ROBO2: variants seen among roughly 807,000 people sequenced by gnomAD.
The protein encoded by ROBO2 is roundabout homolog 2.
A neutral mutation model predicts 160.8 loss-of-function variants in ROBO2; 53 were observed. That is an observed-to-expected ratio of 0.33 (90% CI 0.26 to 0.41). ROBO2 has a LOEUF of 0.41. Ranked by LOEUF, ROBO2 falls within the 10% of genes least tolerant of loss-of-function variation. The pLI, the probability that ROBO2 is intolerant of heterozygous loss-of-function variation, is 1.00. For missense variants in ROBO2, 1,577 were observed against 1,722.4 expected (o/e 0.92, Z 1.49); for synonymous variants, 664 against 611.7 (o/e 1.09, Z -1.26).
chr3:76,049,068 G>T (rs2067554167), intron 2 of ROBO2, among the ~76,000 whole-genome samples: 1 of 152,120 alleles, frequency 6.6e-6, no homozygotes, highest in African/African-American at 2.4e-5. Context: ...CAGGATAATG[G>T]TCATCTCTTT....
At chr3:77,561,995 C>T (rs771111652) in intron 9 of ROBO2, among the ~76,000 whole-genome samples, 1 of 151,664 alleles carries the variant, frequency 6.6e-6, no homozygotes, top group Non-Finnish European at 1.5e-5. Context: ...CCCAGCTACT[C>T]GGGAGTCTGA....
At chr3:76,254,077 G>C (rs1278575693) in intron 2 of ROBO2, among the ~76,000 whole-genome samples, 1 of 151,978 alleles carries the variant, frequency 6.6e-6, no homozygotes, top group Non-Finnish European at 1.5e-5. Flanking sequence ...GTATATTCAA[G>C]AGATTCATCT....
At position 76,733,730 on chromosome 3, in the gene ROBO2, AT is replaced by A. The variant is rs555770164; in HGVS notation, c.110-364276del. Among the ~76,000 whole-genome samples the A allele has an allele frequency of 1.4e-4, 21 of 152,140 alleles. No individual in the cohort carries two copies. In the East Asian group the frequency reaches 3.9e-3, roughly 28 times the overall value. ...TGAAAAAATAATGTTTCATGTGGGA[AT>A]TTTTTTTGTTTTATACTCATTTATG... is the stretch of plus-strand genomic sequence containing the variant. On this transcript the variant is annotated intron_variant, in intron 2 of 26. Coordinates refer to the ROBO2 transcript ENST00000487694.
intron 2 of ROBO2, among the ~76,000 whole-genome samples, chr3:76,373,709 C>T (rs1419196266): frequency 1.3e-5 from 2 of 151,950 alleles, no homozygotes; most frequent in African/African-American, 4.8e-5. Context: ...AAGATTGCAT[C>T]AGCTGGTTTA....
intron 2 of ROBO2, among the ~76,000 whole-genome samples, chr3:76,127,377 AT>A (rs1451102119): frequency 1.1e-4 from 16 of 152,018 alleles, no homozygotes; most frequent in Admixed American, 9.8e-4. Context: ...ATAAGTCTAA[AT>A]TTTTTTGTTA....
Position 77,434,089 on chromosome 3 carries a change from T to TG in ROBO2, c.389-43323dup, listed in dbSNP as rs573890705. 7.9e-5 allele frequency among the ~76,000 whole-genome samples: 12 copies of TG among 152,242 alleles called. No homozygotes were observed. The East Asian group carries it at 2.3e-3, about 29-fold the overall frequency. On this transcript the variant is annotated intron_variant, in intron 2 of 25. Coordinates refer to ENST00000461745, the Ensembl canonical transcript of ROBO2. ...TTTTCCCTGACCTCCTTTTACTTTT[T>TG]GGAAAAAGTCCAATAGCATTAATGC...
intron 2 of ROBO2, among the ~76,000 whole-genome samples, chr3:77,383,648 A>G (rs2073790636): frequency 6.6e-6 from 1 of 152,138 alleles, no homozygotes; most frequent in East Asian, 1.9e-4. Flanking sequence ...CCCTAAAGGT[A>G]GATATATTGA....
At chr3:76,032,747 T>C (rs1199487980) in intron 2 of ROBO2, among the ~76,000 whole-genome samples, 1 of 152,224 alleles carries the variant, frequency 6.6e-6, no homozygotes, top group East Asian at 1.9e-4. Context: ...TCTGTTCTTT[T>C]ACATTTGCTG....
chr3:76,031,874 C>CTT (rs2066933579), intron 2 of ROBO2, among the ~76,000 whole-genome samples: 2 of 151,908 alleles, frequency 1.3e-5, no homozygotes, highest in African/African-American at 4.8e-5. Flanking sequence ...ATGATACTGG[C>CTT]CTCATAAAAT....
At chr3:76,450,790 T>C (rs1435689721) in intron 2 of ROBO2, among the ~76,000 whole-genome samples, 1 of 152,202 alleles carries the variant, frequency 6.6e-6, no homozygotes, top group Non-Finnish European at 1.5e-5. Context: ...ATTTGAAATA[T>C]ATTTTTTATT....
At chr3:77,178,489 A>G (rs542219680) in intron 2 of ROBO2, among the ~76,000 whole-genome samples, 3 of 152,188 alleles carry the variant, frequency 2.0e-5, no homozygotes, top group African/African-American at 7.2e-5. Context: ...CAAAAAATAT[A>G]TGCTCGCGAA....
At chr3:76,822,877 A>G (rs183348645) in intron 2 of ROBO2, among the ~76,000 whole-genome samples, 1 of 151,722 alleles carries the variant, frequency 6.6e-6, no homozygotes, top group African/African-American at 2.4e-5. Flanking sequence ...TCTTTCCTCT[A>G]TTTTTCCTCC....
In ROBO2 at chr3:76,497,173, T is replaced by C. The variant is rs542697420; in HGVS notation, c.109+559571T>C. Among the ~76,000 whole-genome samples the C allele has an allele frequency of 2.6e-5, 4 of 152,274 alleles. No individual in the cohort carries two copies. In the East Asian group the frequency reaches 7.7e-4, roughly 29 times the overall value. ...GTATACTTTTCTTTGATTGGAATGA[T>C]TGATCTCTGGCTATTTTTCACTGTC... On this transcript the variant is annotated intron_variant, in intron 2 of 26. Coordinates refer to the ROBO2 transcript ENST00000487694.
intron 2 of ROBO2, among the ~76,000 whole-genome samples, chr3:76,284,446 C>T (rs1708409259): frequency 6.6e-6 from 1 of 151,974 alleles, no homozygotes. Context: ...CTTAACCTTC[C>T]AAGGGCATCT....
chr3:77,317,058 A>C, intron 2 of ROBO2: 1 of 1,477,304 alleles, frequency 6.8e-7, no homozygotes, highest in Non-Finnish European at 9.5e-7. Context: ...CATTCACAGT[A>C]GTGTGAAGCT....
intron 2 of ROBO2, among the ~76,000 whole-genome samples, chr3:77,249,717 A>G (rs1323217435): frequency 6.6e-6 from 1 of 152,152 alleles, no homozygotes; most frequent in Non-Finnish European, 1.5e-5. Context: ...TTTACATTTA[A>G]GTAATGTAAA....
intron 2 of ROBO2, among the ~76,000 whole-genome samples, chr3:76,304,312 A>C (rs1005368843): frequency 6.6e-6 from 1 of 152,360 alleles, no homozygotes; most frequent in Admixed American, 6.5e-5. Context: ...ACAAAGAATT[A>C]AAGTGTGTTT....
chr3:77,551,238 A>G (rs1334220940), intron 8 of ROBO2, among the ~76,000 whole-genome samples: 1 of 152,054 alleles, frequency 6.6e-6, no homozygotes, highest in Non-Finnish European at 1.5e-5. Context: ...ATTTTTTTAA[A>G]TAAATGTCAT....
At chr3:77,461,804 T>G (rs909331213) in intron 2 of ROBO2, among the ~76,000 whole-genome samples, 1 of 151,930 alleles carries the variant, frequency 6.6e-6, no homozygotes, top group African/African-American at 2.4e-5. Flanking sequence ...CTTGGCTCAC[T>G]GCAATCCTCT....
Sources: allele counts gnomAD v4.1 joint callset (sites outside exome capture counted in the v4.1 genomes callset), GRCh38; gene constraint gnomAD v4.1.1; transcripts MANE v1.5; gene names NCBI Gene and HGNC (gene_info 2026-07-23, HGNC 2026-07-21).